The following PTPRB variants were observed in gnomAD, a reference collection of about 807,000 sequenced individuals.
PTPRB encodes receptor-type tyrosine-protein phosphatase beta.
In PTPRB, 97 loss-of-function variants were observed where a neutral mutation model predicts 238.1. That is an observed-to-expected ratio of 0.41 (90% confidence interval 0.35 to 0.48). The LOEUF is 0.48. Among genes scored for constraint, PTPRB ranks in the 20% least tolerant of loss-of-function variants. The probability of loss-of-function intolerance (pLI) is 0.30; values close to 1 mark genes in which losing one functional copy is unlikely to be tolerated. For synonymous variants in PTPRB, 970 were observed against 995.4 expected, an observed-to-expected ratio of 0.97 and a Z score of 0.48; for missense variants, 2,292 against 2,681.9, an observed-to-expected ratio of 0.85 and a Z score of 3.21.
intron 10 of PTPRB, among the ~76,000 whole-genome samples, chr12:70,577,895 T>C (rs184222005): frequency 1.2e-4 from 19 of 152,314 alleles, no homozygotes; most frequent in Admixed American, 1.2e-3. Flanking sequence ...TTCCTTTTCT[T>C]TCCTTCTTTT....
rs1236612574 is a variant in PTPRB at position 70,560,362 on chromosome 12, G to T, written c.4432+309C>A. 6.6e-6 allele frequency among the ~76,000 whole-genome samples: 1 copy of T among 152,198 alleles called. No homozygotes were observed. Among genetic ancestry groups the T allele is most frequent in the African/African-American group, 2.4e-5 (1 of 41,460 alleles). Reference sequence around the variant, plus strand: ...TGTGTGTGCCCATGACATAAAAACAGTTAGGAAGCACTGGTGATAGCCACA... The same window carrying T: ...TGTGTGTGCCCATGACATAAAAACATTTAGGAAGCACTGGTGATAGCCACA... On this transcript the variant is annotated intron_variant, in intron 17 of 33. Coordinates refer to ENST00000334414, the MANE Select transcript of PTPRB (RefSeq NM_001109754.4). The surrounding 1 kb of genome is among the most constrained non-coding windows in gnomAD (Gnocchi z 4.2).
At chr12:70,524,967 A>G (rs894301698) in intron 32 of PTPRB, among the ~76,000 whole-genome samples, 9 of 131,080 alleles carry the variant, frequency 6.9e-5, no homozygotes, top group South Asian at 2.3e-4. Flanking sequence ...ATGTATGTGT[A>G]TATATGTGTG....
At chr12:70,561,062 A>G in intron 16 of PTPRB, 128 bp from the exon 17 acceptor site, 1 of 948,318 alleles carries the variant, frequency 1.1e-6, no homozygotes, top group Non-Finnish European at 1.6e-6. Context: ...TCTTGCCTAC[A>G]TTTCAGGCCA....
chr12:70,580,176 T>C (rs1881225670), intron 10 of PTPRB, among the ~76,000 whole-genome samples: 1 of 152,164 alleles, frequency 6.6e-6, no homozygotes, highest in Non-Finnish European at 1.5e-5. Flanking sequence ...TACATGACCA[T>C]AATGACACTT....
chr12:70,579,847 T>C (rs61276435), intron 10 of PTPRB, among the ~76,000 whole-genome samples: 14,438 of 152,154 alleles, frequency 0.095, 741 homozygotes, highest in Non-Finnish European at 0.12. Context: ...ATGAAGTTAA[T>C]GTCCTCTGGG....
rs1461350934 is a variant in PTPRB at position 70,609,124 on chromosome 12, G to C, written c.924C>G (p.Ile308Met). The C allele has an allele frequency of 1.2e-6, 2 of 1,613,960 alleles. No individual in the cohort carries two copies. Among genetic ancestry groups the C allele is most frequent in the Admixed American group, 3.3e-5 (2 of 60,030 alleles). ...CNLQDLQAGT[I>M]YNFRIISLDE... Reference sequence around the variant, plus strand: ...CCAGAGAAATAATCCTGAAGTTATAGATGGTTCCTGCTTGTAAATCTTGAA... The same window carrying C: ...CCAGAGAAATAATCCTGAAGTTATACATGGTTCCTGCTTGTAAATCTTGAA... Residue 308 changes from isoleucine to methionine, a missense_variant, in exon 4 of 34, where the codon ATC becomes ATG. Physicochemically the swap from Ile to Met is conservative, Grantham distance 10 (BLOSUM62 1). This residue lies in a region of PTPRB where 1,205 missense variants were observed against 1,287.8 expected (regional missense o/e 0.94). Coordinates refer to ENST00000334414, the MANE Select transcript of PTPRB (RefSeq NM_001109754.4).
chr12:70,548,010 C>G (rs538809986), intron 21 of PTPRB, among the ~76,000 whole-genome samples: 2 of 152,240 alleles, frequency 1.3e-5, no homozygotes, highest in East Asian at 1.9e-4. Flanking sequence ...CTTATTTCCT[C>G]ATGGCTTAAT....
Position 70,609,196 on chromosome 12 carries a change from C to T in PTPRB, c.852G>A (p.Ala284=), listed in dbSNP as rs868312136. ...TGTCTATCCGAAAGGTAGGGCACAA[C>T]GCGGCCCCCAGGGTGTCACTGCTAT... is the stretch of plus-strand genomic sequence containing the variant. ...LIYSSDTLGA[A]LCPTFRIDNT... The change falls in exon 4 of 34, where the codon GCG becomes GCA. Residue 284 remains alanine (A), a synonymous_variant. Coordinates refer to ENST00000334414, the MANE Select transcript of PTPRB (RefSeq NM_001109754.4). 2 of 1,614,064 alleles carry T rather than the reference C, an allele frequency of 1.2e-6. No individual in the cohort carries two copies. The highest frequency in any genetic ancestry group is 1.7e-6 in the Non-Finnish European group (2 of 1,179,900).
chr12:70,564,401 G>A (rs567923493), intron 15 of PTPRB, among the ~76,000 whole-genome samples: 40 of 151,672 alleles, frequency 2.6e-4, no homozygotes, highest in African/African-American at 9.7e-4. Context: ...AGTCCCACTC[G>A]GTATGCACTC....
At chr12:70,570,053 A>G in intron 13 of PTPRB, 115 bp from the exon 14 acceptor site, 1 of 980,598 alleles carries the variant, frequency 1.0e-6, no homozygotes, top group East Asian at 2.6e-5. Context: ...ACTCACATGA[A>G]AAAGAAAGTA....
intron 3 of PTPRB, among the ~76,000 whole-genome samples, chr12:70,610,788 A>T (rs906015617): frequency 1.3e-5 from 2 of 152,176 alleles, no homozygotes; most frequent in African/African-American, 4.8e-5. Flanking sequence ...ATCATCCAGT[A>T]GTTAAAGCCA....
rs1426118874 is a variant in PTPRB at position 70,594,466 on chromosome 12, C to T, written c.1516+1G>A. Reference sequence around the variant, plus strand: ...TCTTCAGCTAGCTAGGGGGAACTTACCTGTCCTGACTAGTTTCCACCTGTA... The same window carrying T: ...TCTTCAGCTAGCTAGGGGGAACTTATCTGTCCTGACTAGTTTCCACCTGTA... On this transcript the variant is annotated splice_donor_variant, in intron 6 of 33. Coordinates refer to ENST00000334414, the MANE Select transcript of PTPRB (RefSeq NM_001109754.4). LOFTEE classifies it high-confidence loss of function. 6.2e-7 allele frequency: 1 copy of T among 1,613,784 alleles called. No homozygotes were observed. Among genetic ancestry groups the T allele is most frequent in the East Asian group, 2.2e-5 (1 of 44,874 alleles).
At chr12:70,626,778 C>T (rs1885224951) in intron 2 of PTPRB, among the ~76,000 whole-genome samples, 1 of 151,880 alleles carries the variant, frequency 6.6e-6, no homozygotes, top group Admixed American at 6.6e-5. Context: ...CACACACATA[C>T]ACACGTGTGT....
intron 25 of PTPRB, 22 bp downstream of exon 25, chr12:70,539,805 A>C (rs1874762493): frequency 6.3e-7 from 1 of 1,598,852 alleles, no homozygotes; most frequent in African/African-American, 1.3e-5. Flanking sequence ...TAATATAGTA[A>C]TTAATGTGTT....
intron 10 of PTPRB, among the ~76,000 whole-genome samples, chr12:70,579,481 G>A (rs1039831248): frequency 6.6e-6 from 1 of 152,036 alleles, no homozygotes; most frequent in Non-Finnish European, 1.5e-5. Context: ...GGCAGATCAC[G>A]AGGTCAGGAG....
intron 27 of PTPRB, 183 bp from the exon 28 acceptor site, chr12:70,538,414 A>G (rs1874518346): frequency 5.4e-6 from 3 of 555,720 alleles, no homozygotes; most frequent in South Asian, 2.5e-5. Context: ...GTGGCCTATA[A>G]CCAGTCAGAC....
chr12:70,571,003 T>G, intron 13 of PTPRB, 23 bp downstream of exon 13: 2 of 1,611,584 alleles, frequency 1.2e-6, no homozygotes, highest in Non-Finnish European at 1.7e-6. Context: ...CTATTCAGGT[T>G]CAAGAACAGT....
At chr12:70,608,828 C>G (rs533753014) in intron 4 of PTPRB, 1 of 556,684 alleles carries the variant, frequency 1.8e-6, no homozygotes, top group African/African-American at 1.9e-5. Flanking sequence ...CCGCCCTGCA[C>G]CCCACCCCGA....
rs1037762039 is a variant in PTPRB at position 70,573,851 on chromosome 12, G to A, written c.2843-1764C>T. ...GTGAGGTTCTTTCTAATATATGAAC[G>A]AAACCATTCTGTATATCTGTGGTCC... On this transcript the variant is annotated intron_variant, in intron 11 of 33. Transcript: ENST00000334414. Among the ~76,000 whole-genome samples the A allele has an allele frequency of 8.5e-5, 13 of 152,070 alleles. No individual in the cohort carries two copies. In the South Asian group the frequency reaches 1.0e-3, roughly 12 times the overall value.
Sources: gnomAD v4.1 joint callset for allele counts (sites outside exome capture counted in the v4.1 genomes callset) on GRCh38, gnomAD v4.1.1 for gene constraint, gnomAD v4.1.1 regional missense constraint, Gnocchi (gnomAD v3.1) non-coding constraint, MANE v1.5 for transcripts, NCBI Gene and HGNC (gene_info 2026-07-23, HGNC 2026-07-21) for gene names.